CLSTN2: variants seen among roughly 807,000 people sequenced by gnomAD.
CLSTN2 encodes the protein calsyntenin 2.
A neutral mutation model predicts 101.2 loss-of-function variants in CLSTN2; 48 were observed. That is an observed-to-expected ratio of 0.47 (90% confidence interval 0.38 to 0.60). The LOEUF is 0.60. Ranked by LOEUF, CLSTN2 falls within the 20% of genes least tolerant of loss-of-function variation. CLSTN2 has a pLI of 0.00. For synonymous variants in CLSTN2, 481 were observed against 463.6 expected (o/e 1.04, Z -0.48); for missense variants, 1,160 against 1,238.2 (o/e 0.94, Z 0.95).
intron 1 of CLSTN2, among the ~76,000 whole-genome samples, chr3:140,147,474 G>A (rs1346852987): frequency 6.6e-6 from 1 of 152,216 alleles, no homozygotes. Context: ...GGACATGACA[G>A]GGTTTCCTGC....
At chr3:140,182,475 C>T (rs1402014328) in intron 2 of CLSTN2, among the ~76,000 whole-genome samples, 2 of 152,160 alleles carry the variant, frequency 1.3e-5, no homozygotes, top group Non-Finnish European at 2.9e-5. Flanking sequence ...TTCAGTCTGT[C>T]CTGCCCCACA....
chr3:140,325,784 C>T (rs1043089540), intron 2 of CLSTN2, among the ~76,000 whole-genome samples: 3 of 152,122 alleles, frequency 2.0e-5, no homozygotes, highest in East Asian at 1.9e-4. Context: ...GCTAGCCATT[C>T]GGGACAAATA....
At chr3:140,423,641 A>G (rs2088530590) in intron 5 of CLSTN2, among the ~76,000 whole-genome samples, 1 of 152,096 alleles carries the variant, frequency 6.6e-6, no homozygotes, top group African/African-American at 2.4e-5. Flanking sequence ...TCTTTAATTC[A>G]TAGTACCCCC....
intron 2 of CLSTN2, among the ~76,000 whole-genome samples, chr3:140,373,272 T>A (rs2087878914): frequency 1.3e-5 from 2 of 152,148 alleles, no homozygotes; most frequent in South Asian, 4.1e-4. Context: ...GGAGAGATCA[T>A]CACATGAAAA....
chr3:140,442,796 AACCTCTT>A lies in CLSTN2; in HGVS notation c.788-5719_788-5713del, dbSNP rs1239870979. Among the ~76,000 whole-genome samples, 3 of 152,254 alleles carry A rather than the reference AACCTCTT, an allele frequency of 2.0e-5. No individual in the cohort carries two copies. In the East Asian group the frequency reaches 5.8e-4, roughly 29 times the overall value. ...CTTACTGGCCCTGGGATTAAATCCA[AACCTCTT>A]ACCCAGCATTCATCATCTGACCTTC... On this transcript the variant is annotated intron_variant, in intron 5 of 16. Transcript: ENST00000458420.
chr3:140,082,045 T>G (rs1204156354), intron 1 of CLSTN2, among the ~76,000 whole-genome samples: 1 of 152,152 alleles, frequency 6.6e-6, no homozygotes, highest in Non-Finnish European at 1.5e-5. Context: ...ACAAGCCTAT[T>G]AGAGGTGCTA....
At chr3:140,174,579 G>T (rs1298275697) in intron 1 of CLSTN2, among the ~76,000 whole-genome samples, 1 of 152,104 alleles carries the variant, frequency 6.6e-6, no homozygotes. Flanking sequence ...CCCAGACTGG[G>T]CAATTTACAA....
intron 1 of CLSTN2, among the ~76,000 whole-genome samples, chr3:139,959,041 G>C (rs935962796): frequency 3.3e-5 from 5 of 151,980 alleles, no homozygotes; most frequent in African/African-American, 1.2e-4. Context: ...AGAGTGAGAG[G>C]AAGAGAGAAA....
intron 1 of CLSTN2, among the ~76,000 whole-genome samples, chr3:140,085,639 T>C (rs547013338): frequency 6.6e-6 from 1 of 152,228 alleles, no homozygotes; most frequent in East Asian, 1.9e-4. Flanking sequence ...GACTCCGGTG[T>C]CATTTTTTTA....
intron 1 of CLSTN2, among the ~76,000 whole-genome samples, chr3:140,116,384 C>G (rs1282695530): frequency 6.6e-6 from 1 of 152,164 alleles, no homozygotes; most frequent in Non-Finnish European, 1.5e-5. Flanking sequence ...GCAGGAGGCT[C>G]TGAGCAGGAG....
chr3:140,562,907 A>G lies in CLSTN2; in HGVS notation c.2309A>G (p.Lys770Arg). The G allele has an allele frequency of 6.2e-7, 1 of 1,614,152 alleles. No homozygotes were observed. Among genetic ancestry groups the G allele is most frequent in the Non-Finnish European group, 8.5e-7 (1 of 1,179,998 alleles). Residue 770 changes from lysine to arginine, a missense_variant, in exon 14 of 17, where the codon AAG (lysine) becomes AGG (arginine). Physicochemically the swap from Lys to Arg is conservative, Grantham distance 26. Coordinates refer to ENST00000458420, the MANE Select transcript of CLSTN2 (RefSeq NM_022131.3). ...ASLEARRFRI[K>R]CSELNGRYTS... ...CTTGAGGCCCGGCGTTTCCGGATTA[A>G]GTGCTCAGAACTCAATGGGCGCTAC... is the stretch of plus-strand genomic sequence containing the variant.
At chr3:140,285,398 C>T (rs1417577581) in intron 2 of CLSTN2, among the ~76,000 whole-genome samples, 3 of 152,052 alleles carry the variant, frequency 2.0e-5, no homozygotes, top group Admixed American at 1.3e-4. Flanking sequence ...GTGTTATGCC[C>T]TCACGCTTCA....
At chr3:140,330,726 T>C (rs2087375239) in intron 2 of CLSTN2, among the ~76,000 whole-genome samples, 1 of 152,180 alleles carries the variant, frequency 6.6e-6, no homozygotes, top group Admixed American at 6.5e-5. Context: ...AAAAGCCAAA[T>C]AGCTCTAAAA....
At chr3:140,350,334 T>G (rs6786128) in intron 2 of CLSTN2, among the ~76,000 whole-genome samples, 58,011 of 152,144 alleles carry the variant, frequency 0.38, 12,183 homozygotes, top group Non-Finnish European at 0.49. Flanking sequence ...GCAGATATTA[T>G]GTGGAAACTA....
rs1985369222 is a variant in CLSTN2, at chr3:140,568,331, A to G, written c.*2078A>G. 6.6e-6 allele frequency: 1 copy of G among 152,266 alleles called. No individual in the cohort carries two copies. The highest frequency in any genetic ancestry group is 1.5e-5 in the Non-Finnish European group (1 of 68,054). 9.4% of individuals were successfully genotyped at this position (152,266 alleles called of 1,614,324 possible). A position where few individuals can be genotyped will look rare whatever the true frequency, so the allele number is the denominator to read the frequency against. On this transcript the variant is annotated 3_prime_UTR_variant, in exon 17 of 17. Coordinates refer to ENST00000458420, the MANE Select transcript of CLSTN2 (RefSeq NM_022131.3). ...ACACAAGAGACAAATGAAGAGGAAGAGAAGTCACAAGAGAAGAAGGATGCG... is the reference window on the plus strand; with the variant it reads ...ACACAAGAGACAAATGAAGAGGAAGGGAAGTCACAAGAGAAGAAGGATGCG...
At chr3:140,357,944 T>C (rs1305659753) in intron 2 of CLSTN2, among the ~76,000 whole-genome samples, 2 of 151,726 alleles carry the variant, frequency 1.3e-5, no homozygotes, top group Non-Finnish European at 2.9e-5. Flanking sequence ...TAGCAAGGGG[T>C]TAATGTAAAG....
rs147668375 is a variant in CLSTN2, at chr3:140,230,150, A to C, written c.232+54077A>C. On this transcript the variant is annotated intron_variant, in intron 2 of 16. Transcript: ENST00000458420. ...GATGGATAGAAGGGGTCCTGATGGA[A>C]TATCAGGCCGCAGCAAGCAGGGGAA... is the stretch of plus-strand genomic sequence containing the variant. 2.9e-3 allele frequency among the ~76,000 whole-genome samples: 445 copies of C among 152,148 alleles called. 2 individuals carry two copies. Among genetic ancestry groups the C allele is most frequent in the Admixed American group, 0.02 (313 of 15,276 alleles).
At chr3:140,499,120 A>G (rs989044018) in intron 8 of CLSTN2, among the ~76,000 whole-genome samples, 5 of 152,344 alleles carry the variant, frequency 3.3e-5, no homozygotes, top group Non-Finnish European at 7.4e-5. Context: ...CAGTAATATA[A>G]TCTGATGAGA....
At chr3:140,468,208 A>G (rs1933754916) in intron 8 of CLSTN2, among the ~76,000 whole-genome samples, 1 of 152,252 alleles carries the variant, frequency 6.6e-6, no homozygotes, top group Admixed American at 6.5e-5. Flanking sequence ...CTAAAGTGCC[A>G]TATGGCTTTT....
Sources: allele counts gnomAD v4.1 joint callset (sites outside exome capture counted in the v4.1 genomes callset), GRCh38; gene constraint gnomAD v4.1.1; transcripts MANE v1.5; gene names NCBI Gene and HGNC (gene_info 2026-07-23, HGNC 2026-07-21).